Variants in CCDC73 observed in about 807,000 individuals in gnomAD.
CCDC73 encodes the protein coiled-coil domain-containing protein 73.
A neutral mutation model predicts 116.5 loss-of-function variants in CCDC73; 95 were observed. The ratio of observed to expected loss-of-function variants is 0.82; its 90% confidence interval spans 0.69 to 0.97. The LOEUF is 0.97. CCDC73 is among the 50% of genes least tolerant of loss of function. CCDC73 has a pLI of 0.00. For missense variants in CCDC73, 1,066 were observed against 1,206.8 expected (o/e 0.88, Z 1.73); for synonymous variants, 398 against 401.3 (o/e 0.99, Z 0.10).
intron 3 of CCDC73, among the ~76,000 whole-genome samples, chr11:32,714,439 A>C (rs1849926772): frequency 6.6e-6 from 1 of 152,186 alleles, no homozygotes; most frequent in South Asian, 2.1e-4. Context: ...AACAGATAAC[A>C]GTTGCTTTTC....
intron 6 of CCDC73, among the ~76,000 whole-genome samples, chr11:32,688,822 T>TA (rs934871198): frequency 1.3e-5 from 2 of 151,648 alleles, no homozygotes; most frequent in African/African-American, 2.4e-5. Context: ...ATAGCATCAA[T>TA]AAAAAAAAGT....
intron 14 of CCDC73, among the ~76,000 whole-genome samples, chr11:32,632,166 T>C (rs901935285): frequency 2.0e-5 from 3 of 152,342 alleles, no homozygotes; most frequent in Middle Eastern, 3.4e-3. Context: ...TCTTGGTGAA[T>C]ATTTCATGTG....
At position 32,643,182 on chromosome 11, in the gene CCDC73, A is replaced by G. The variant is rs1364002478; in HGVS notation, c.940-1100T>C. 2.6e-5 allele frequency among the ~76,000 whole-genome samples: 4 copies of G among 152,050 alleles called. No homozygotes were observed. In the East Asian group the frequency reaches 7.7e-4, roughly 29 times the overall value. On this transcript the variant is annotated intron_variant, in intron 12 of 17. Transcript: ENST00000335185. ...CTAGAATATCAGTATGCAAAGATAA[A>G]TTATGTAAAATTATGGCAACATATC...
At chr11:32,744,142 C>T (rs1394272089) in intron 2 of CCDC73, among the ~76,000 whole-genome samples, 1 of 152,122 alleles carries the variant, frequency 6.6e-6, no homozygotes, top group Non-Finnish European at 1.5e-5. Context: ...TGTCAAAGGC[C>T]TTTTCTGCAT....
chr11:32,761,878 G>GTGGA (rs2133378351), intron 1 of CCDC73, among the ~76,000 whole-genome samples: 1 of 152,286 alleles, frequency 6.6e-6, no homozygotes, highest in African/African-American at 2.4e-5. Context: ...TCAGGAAAGA[G>GTGGA]TGGATGTTGT....
chr11:32,813,177 C>T, the CCDC73 span, among the ~76,000 whole-genome samples: 3 of 151,822 alleles, frequency 2.0e-5, no homozygotes, highest in Non-Finnish European at 4.4e-5. Flanking sequence ...TTCAGTTTGT[C>T]CTTTGCTGAA....
At chr11:32,734,398 G>A (rs914567132) in intron 2 of CCDC73, among the ~76,000 whole-genome samples, 18 of 151,430 alleles carry the variant, frequency 1.2e-4, no homozygotes, top group African/African-American at 4.4e-4. Flanking sequence ...AGAAAAAGAG[G>A]GAATCCTCCC....
intron 2 of CCDC73, among the ~76,000 whole-genome samples, chr11:32,741,962 T>A (rs529011310): frequency 6.6e-6 from 1 of 152,272 alleles, no homozygotes; most frequent in African/African-American, 2.4e-5. Context: ...TCCAGCTTCA[T>A]CCATGTCCCT....
chr11:32,773,811 G>C (rs969689616), intron 1 of CCDC73, among the ~76,000 whole-genome samples: 1 of 151,848 alleles, frequency 6.6e-6, no homozygotes, highest in Non-Finnish European at 1.5e-5. Flanking sequence ...AGCACTGAGG[G>C]AGGGCTTATT....
chr11:32,774,874 G>C (rs1028847924), intron 1 of CCDC73, among the ~76,000 whole-genome samples: 1 of 152,144 alleles, frequency 6.6e-6, no homozygotes. Flanking sequence ...AACCAACAGT[G>C]TGATAAGCAC....
At chr11:32,667,314 G>T (rs1462629728) in intron 9 of CCDC73, among the ~76,000 whole-genome samples, 1 of 152,240 alleles carries the variant, frequency 6.6e-6, no homozygotes, top group African/African-American at 2.4e-5. Context: ...GCTCCACCCA[G>T]TTCGAGCTTC....
rs764007313 is a variant in CCDC73 at position 32,613,665 on chromosome 11, T to C, written c.2653A>G (p.Thr885Ala). 3.7e-5 allele frequency: 60 copies of C among 1,614,106 alleles called. No individual in the cohort carries two copies. In the Middle Eastern group the frequency reaches 6.6e-4, roughly 18 times the overall value. The change falls in exon 16 of 18, where the codon ACC becomes GCC. Residue 885 changes from threonine to alanine, a missense_variant. Coordinates refer to ENST00000335185, the MANE Select transcript of CCDC73 (RefSeq NM_001008391.4). ...TTATCTGAAGTTGAAAGATCAAAGG[T>C]TGACCTTCCGCTTCTGTTTACTAAA... ...GDLVNRSGRS[T>A]FDLSTSDKKT...
chr11:32,622,534 G>A lies in CCDC73; in HGVS notation c.1186-6405C>T, dbSNP rs184557000. ...GGGTGGGGGGCAGCAAGGGGAGGGA[G>A]AGCATCAGGACAAATAGCTAATGCA... is the stretch of plus-strand genomic sequence containing the variant. On this transcript the variant is annotated intron_variant, in intron 14 of 17. Transcript: ENST00000335185. Among the ~76,000 whole-genome samples the A allele has an allele frequency of 2.0e-5, 3 of 152,036 alleles. No homozygotes were observed. In the East Asian group the frequency reaches 5.8e-4, roughly 29 times the overall value.
chr11:32,759,619 G>GA (rs1183582865), intron 2 of CCDC73, among the ~76,000 whole-genome samples: 5 of 152,088 alleles, frequency 3.3e-5, no homozygotes, highest in Admixed American at 1.3e-4. Flanking sequence ...TATCCTTTAA[G>GA]AAAAAATCAC....
chr11:32,750,376 G>A (rs983928626), intron 2 of CCDC73, among the ~76,000 whole-genome samples: 1 of 152,116 alleles, frequency 6.6e-6, no homozygotes, highest in Non-Finnish European at 1.5e-5. Context: ...AGGCCTTAGC[G>A]ATCTACAATC....
intron 1 of CCDC73, among the ~76,000 whole-genome samples, chr11:32,776,735 T>C (rs1850535017): frequency 1.3e-5 from 2 of 151,744 alleles, no homozygotes; most frequent in Admixed American, 6.6e-5. Flanking sequence ...GCCTCTCCAA[T>C]GGGATGTTTC....
chr11:32,711,523 A>AGTTTATGAACTT (rs141200158), intron 3 of CCDC73, among the ~76,000 whole-genome samples: 2 of 152,176 alleles, frequency 1.3e-5, no homozygotes, highest in African/African-American at 4.8e-5. Flanking sequence ...TTTATGCCAA[A>AGTTTATGAACTT]TATCATATGT....
chr11:32,720,994 A>G (rs12280927), intron 2 of CCDC73, among the ~76,000 whole-genome samples: 1,574 of 152,276 alleles, frequency 0.01, 26 homozygotes, highest in African/African-American at 0.036. Flanking sequence ...GTAGAGAAAT[A>G]ATAAACTCTT....
At chr11:32,639,702 G>A (rs1300413939) in intron 13 of CCDC73, among the ~76,000 whole-genome samples, 3 of 152,090 alleles carry the variant, frequency 2.0e-5, no homozygotes, top group Non-Finnish European at 2.9e-5. Context: ...ACCTGCCTTG[G>A]CCTCCCAAAG....
Sources: gnomAD v4.1 joint callset for allele counts (sites outside exome capture counted in the v4.1 genomes callset) on GRCh38, gnomAD v4.1.1 for gene constraint, MANE v1.5 for transcripts, NCBI Gene and HGNC (gene_info 2026-07-23, HGNC 2026-07-21) for gene names.